Variants in MYO16 observed in about 807,000 individuals in gnomAD.
MYO16 encodes the protein unconventional myosin-XVI.
A neutral mutation model predicts 205.3 loss-of-function variants in MYO16; 94 were observed. The ratio of observed to expected loss-of-function variants is 0.46; its 90% CI spans 0.39 to 0.54. The LOEUF is 0.54. MYO16 is among the 20% of genes least tolerant of loss of function. The pLI is 0.00. For synonymous variants in MYO16, 988 were observed against 954.0 expected (o/e 1.04, Z -0.66); for missense variants, 2,315 against 2,387.5 (o/e 0.97, Z 0.63).
chr13:108,874,903 G>A (rs181615496), intron 12 of MYO16, among the ~76,000 whole-genome samples: 14 of 152,224 alleles, frequency 9.2e-5, no homozygotes, highest in African/African-American at 3.1e-4. Flanking sequence ...GCATCTGGGA[G>A]GTTCCACAAA....
intron 27 of MYO16, among the ~76,000 whole-genome samples, chr13:109,084,331 C>T (rs1305677027): frequency 1.4e-5 from 2 of 138,638 alleles, no homozygotes; most frequent in African/African-American, 5.2e-5. Flanking sequence ...CAACTGCCGC[C>T]TCCTCCGTGT....
chr13:108,825,010 A>G (rs1876177311), intron 9 of MYO16, among the ~76,000 whole-genome samples: 1 of 152,136 alleles, frequency 6.6e-6, no homozygotes, highest in South Asian at 2.1e-4. Context: ...TGTCACAAAC[A>G]CTTTCAAAAA....
intron 32 of MYO16, among the ~76,000 whole-genome samples, chr13:109,157,452 C>G (rs1566539770): frequency 6.6e-6 from 1 of 152,060 alleles, no homozygotes; most frequent in African/African-American, 2.4e-5. Context: ...TTTCCCTCCC[C>G]CTCTCCACAT....
chr13:108,829,703 A>G (rs1437858101), intron 9 of MYO16, among the ~76,000 whole-genome samples: 1 of 152,194 alleles, frequency 6.6e-6, no homozygotes. Flanking sequence ...AGTTGATCCC[A>G]GGGTGGCCTC....
At position 109,013,173 on chromosome 13, in the gene MYO16, A is replaced by G. The variant is rs1230335587; in HGVS notation, c.2595+4124A>G. Among the ~76,000 whole-genome samples, 6 of 132,076 alleles carry G rather than the reference A, an allele frequency of 4.5e-5. No homozygotes were observed. In the Admixed American group the frequency reaches 4.7e-4, roughly 10 times the overall value. The allele number at this position is 132,076 out of a possible 152,430, so 86.6% of individuals were successfully genotyped here. The stretch of plus-strand genomic sequence containing the variant: ...GATGTTCCCCTTCCTGTGTCCAAGT[A>G]TTCTCATTGTTGAGTTCCCACCTAT... On this transcript the variant is annotated intron_variant, in intron 22 of 34. Coordinates refer to ENST00000457511, the MANE Select transcript of MYO16 (RefSeq NM_001198950.3).
intron 23 of MYO16, among the ~76,000 whole-genome samples, chr13:109,024,137 G>T (rs1196921622): frequency 2.0e-5 from 3 of 149,682 alleles, no homozygotes; most frequent in Non-Finnish European, 4.4e-5. Context: ...TATAATTCAT[G>T]TTCTTTGAAT....
At chr13:108,608,862 C>A (rs1193659205) in intron 1 of MYO16, among the ~76,000 whole-genome samples, 1 of 152,022 alleles carries the variant, frequency 6.6e-6, no homozygotes, top group Non-Finnish European at 1.5e-5. Flanking sequence ...CAGGTTGGTC[C>A]CAAACACCCG....
At chr13:109,201,117 G>C (rs1880375366) in intron 34 of MYO16, among the ~76,000 whole-genome samples, 1 of 152,038 alleles carries the variant, frequency 6.6e-6, no homozygotes, top group African/African-American at 2.4e-5. Context: ...TTTCTCTACA[G>C]TTCTTGCGTT....
At chr13:108,688,166 C>T (rs748661108) in intron 2 of MYO16, among the ~76,000 whole-genome samples, 1 of 152,050 alleles carries the variant, frequency 6.6e-6, no homozygotes. Flanking sequence ...AATTACAAGA[C>T]CCTAATTACA....
chr13:108,738,673 T>C (rs1220886815), intron 4 of MYO16, among the ~76,000 whole-genome samples: 8 of 152,180 alleles, frequency 5.3e-5, no homozygotes, highest in Admixed American at 5.2e-4. Context: ...CAGAGCTGAG[T>C]TCAAATCCTG....
intron 7 of MYO16, among the ~76,000 whole-genome samples, chr13:108,809,400 A>G (rs1435184059): frequency 6.6e-6 from 1 of 152,222 alleles, no homozygotes; most frequent in African/African-American, 2.4e-5. Context: ...TAAAGAAAGC[A>G]GGTTTAATTG....
upstream of MYO16, among the ~76,000 whole-genome samples, chr13:108,592,001 T>G (rs1286011368): frequency 2.0e-5 from 3 of 148,082 alleles, no homozygotes; most frequent in African/African-American, 7.5e-5. Flanking sequence ...AGATACAAAA[T>G]AGAGGATGTT....
At chr13:108,738,912 G>T (rs188541444) in intron 4 of MYO16, among the ~76,000 whole-genome samples, 1 of 152,124 alleles carries the variant, frequency 6.6e-6, no homozygotes, top group African/African-American at 2.4e-5. Context: ...TGTCTCTTTT[G>T]ATCTTTGTTG....
At chr13:108,849,572 A>T (rs1447172112) in intron 10 of MYO16, among the ~76,000 whole-genome samples, 2 of 110,314 alleles carry the variant, frequency 1.8e-5, no homozygotes, top group South Asian at 2.9e-4. Flanking sequence ...ATACTGGGTT[A>T]TTTGCCCCTA....
At chr13:109,028,448 G>T in intron 23 of MYO16, 1 of 258,314 alleles carries the variant, frequency 3.9e-6, no homozygotes, top group Non-Finnish European at 7.8e-6. Flanking sequence ...TCCCTTTGAA[G>T]GGAATTTTGT....
intron 1 of MYO16, among the ~76,000 whole-genome samples, chr13:108,636,350 TTTTTTTTTTTTTTTTTTTTTG>T (rs1201774102): frequency 5.5e-3 from 123 of 22,514 alleles, no homozygotes; most frequent in African/African-American, 0.024. Flanking sequence ...ATTTCCCTTT[TTTTTTTTTTTTTTTTTTTTTG>T]TGTGTGTGTG....
At chr13:109,193,200 C>A (rs940651281) in intron 34 of MYO16, among the ~76,000 whole-genome samples, 6 of 151,982 alleles carry the variant, frequency 3.9e-5, no homozygotes, top group African/African-American at 1.5e-4. Flanking sequence ...CCTAAAAATT[C>A]TTTAAAAATA....
At chr13:108,671,968 A>G (rs1276475610) in intron 2 of MYO16, among the ~76,000 whole-genome samples, 1 of 152,184 alleles carries the variant, frequency 6.6e-6, no homozygotes, top group Non-Finnish European at 1.5e-5. Context: ...GGAACATTTA[A>G]TCTGTAATAG....
At chr13:108,777,914 C>A (rs1194694612) in intron 4 of MYO16, among the ~76,000 whole-genome samples, 1 of 152,200 alleles carries the variant, frequency 6.6e-6, no homozygotes, top group Non-Finnish European at 1.5e-5. Context: ...TTCCCATATT[C>A]TTCAGAGTTC....
Sources: allele counts gnomAD v4.1 joint callset (sites outside exome capture counted in the v4.1 genomes callset), GRCh38; gene constraint gnomAD v4.1.1; transcripts MANE v1.5; gene names NCBI Gene and HGNC (gene_info 2026-07-23, HGNC 2026-07-21).